Variants in POLR2D observed in about 807,000 individuals in gnomAD.
The protein encoded by POLR2D is RNA polymerase II subunit D, also known as DNA-directed RNA polymerase II subunit RPB4.
In POLR2D, 10 loss-of-function variants were observed where a neutral mutation model predicts 17.6. That is an observed-to-expected ratio of 0.57 (90% CI 0.35 to 0.96). The LOEUF (loss-of-function observed/expected upper bound fraction) is 0.96, where lower values mean the gene tolerates loss of function less well. POLR2D is among the 40% of genes least tolerant of loss of function. POLR2D has a pLI of 0.02. For synonymous variants in POLR2D, 52 were observed against 60.2 expected, an observed-to-expected ratio of 0.86 and a Z score of 0.63; for missense variants, 126 against 176.4, an observed-to-expected ratio of 0.71 and a Z score of 1.62.
intron 1 of POLR2D, among the ~76,000 whole-genome samples, chr2:127,856,623 T>A (rs1336784537): frequency 6.6e-6 from 1 of 151,724 alleles, no homozygotes; most frequent in Non-Finnish European, 1.5e-5. Flanking sequence ...AAAAATAAAT[T>A]AACAACTAAA....
At chr2:127,849,192 A>C (rs1690205958) in intron 3 of POLR2D, among the ~76,000 whole-genome samples, 1 of 151,826 alleles carries the variant, frequency 6.6e-6, no homozygotes, top group Non-Finnish European at 1.5e-5. Context: ...CTACAGTCGC[A>C]CACCACCACA....
At chr2:127,849,725 A>T (rs1173093620) in intron 3 of POLR2D, among the ~76,000 whole-genome samples, 1 of 152,036 alleles carries the variant, frequency 6.6e-6, no homozygotes, top group Non-Finnish European at 1.5e-5. Context: ...ACTGGCCAAG[A>T]GATTATCAAA....
intron 1 of POLR2D, among the ~76,000 whole-genome samples, chr2:127,855,792 C>T (rs1411454548): frequency 1.5e-5 from 2 of 136,390 alleles, no homozygotes; most frequent in African/African-American, 3.2e-5. Context: ...GGCGCGCACA[C>T]GCGCGCACAT....
At position 127,852,979 on chromosome 2, in the gene POLR2D, TA is replaced by T. The variant is rs779313235; in HGVS notation, c.199del (p.Tyr67ThrfsTer48). On this transcript the variant is annotated frameshift_variant, in exon 2 of 4. Transcript: ENST00000272645. LOFTEE classifies it high-confidence loss of function. This position sits in a 1 kb window ranked among gnomAD's most constrained non-coding sequence, Gnocchi z 4.0. ...LSEVFMKTLN[Y>X]TARFSRFKNR... ...TTTGAAACGACTGAAACGGGCTGTG[TA>T]GTTTAATGTTTTCATGAAGACTTCT... The T allele has an allele frequency of 6.2e-7, 1 of 1,614,052 alleles. No homozygotes were observed. Among genetic ancestry groups the T allele is most frequent in the Non-Finnish European group, 8.5e-7 (1 of 1,179,898 alleles).
At chr2:127,853,457 A>G (rs1273736166) in intron 1 of POLR2D, among the ~76,000 whole-genome samples, 1 of 152,118 alleles carries the variant, frequency 6.6e-6, no homozygotes, top group Non-Finnish European at 1.5e-5. Flanking sequence ...TCCCACTTAT[A>G]AGAATGTGAG....
At position 127,850,697 on chromosome 2, in the gene POLR2D, GAA is replaced by G. The variant is rs34858843; in HGVS notation, c.255-14_255-13del. 7,452 of 1,014,074 alleles carry G rather than the reference GAA, an allele frequency of 7.3e-3. 10 individuals carry two copies. The highest frequency in any genetic ancestry group is 0.021 in the East Asian group (782 of 36,626). 62.8% of individuals were successfully genotyped at this position (1,014,074 alleles called of 1,614,324 possible). A position where few individuals can be genotyped will look rare whatever the true frequency, so the allele number is the denominator to read the frequency against. ...TCTGGAGTAGCAAGCTAATCAAAAGGAAAAAAAAAAAATCAAAATAATCAAAA... is the reference window on the plus strand; with the variant it reads ...TCTGGAGTAGCAAGCTAATCAAAAGGAAAAAAAAAATCAAAATAATCAAAA... On this transcript the variant is annotated splice_polypyrimidine_tract_variant and intron_variant, in intron 2 of 3. Coordinates refer to ENST00000272645, the MANE Select transcript of POLR2D (RefSeq NM_004805.4).
chr2:127,844,745 C>G lies in POLR2D; in HGVS notation c.*3362G>C, dbSNP rs1690123487. ...CTTGGCTCACTGCAACCTCCACCTC[C>G]CGGGTTCAAGCAATTCTCCTGTCTC... On this transcript the variant is annotated 3_prime_UTR_variant, in exon 4 of 4. Transcript: ENST00000272645. 6.6e-6 allele frequency: 1 copy of G among 152,126 alleles called. No homozygotes were observed. Among genetic ancestry groups the G allele is most frequent in the African/African-American group, 2.4e-5 (1 of 41,398 alleles). The allele number at this position is 152,126 out of a possible 1,614,324, so 9.4% of individuals were successfully genotyped here. A position where few individuals can be genotyped will look rare whatever the true frequency, so the allele number is the denominator to read the frequency against.
chr2:127,848,265 T>C (rs1690187267), intron 3 of POLR2D, 80 bp from the exon 4 acceptor site: 2 of 792,200 alleles, frequency 2.5e-6, no homozygotes, highest in Non-Finnish European at 4.3e-6. Context: ...GCTAATCTAC[T>C]GCCCACATCT....
At position 127,847,797 on chromosome 2, in the gene POLR2D, T is replaced by A; in HGVS notation, c.*310A>T. On this transcript the variant is annotated 3_prime_UTR_variant, in exon 4 of 4. Coordinates refer to ENST00000272645, the MANE Select transcript of POLR2D (RefSeq NM_004805.4). ...CATGAAATATTAAGAAAAAAGATGA[T>A]GTGGAGGCCAAAAACCAGGAATGAG... is the stretch of plus-strand genomic sequence containing the variant. 1 of 348,920 alleles carries A rather than the reference T, an allele frequency of 2.9e-6. No individual in the cohort carries two copies. Among genetic ancestry groups the A allele is most frequent in the South Asian group, 3.4e-5 (1 of 29,466 alleles). 21.6% of individuals were successfully genotyped at this position (348,920 alleles called of 1,614,324 possible). A position where few individuals can be genotyped will look rare whatever the true frequency, so the allele number is the denominator to read the frequency against.
At chr2:127,857,933 CGCT>C in intron 1 of POLR2D, 92 bp downstream of exon 1, 2 of 1,486,350 alleles carry the variant, frequency 1.3e-6, no homozygotes, top group Non-Finnish European at 1.8e-6. Context: ...CCCAAGCCGC[CGCT>C]GAGGCAGGGC....
chr2:127,850,559 A>ATACAG (rs1690236488), intron 3 of POLR2D, 31 bp downstream of exon 3: 1 of 922,288 alleles, frequency 1.1e-6, no homozygotes, highest in African/African-American at 1.7e-5. Flanking sequence ...TTTATCCAGT[A>ATACAG]TACAGAGAAC....
In POLR2D at chr2:127,847,558, T is replaced by C. The variant is rs1198475435; in HGVS notation, c.*549A>G. 1 of 153,590 alleles carries C rather than the reference T, an allele frequency of 6.5e-6. No individual in the cohort carries two copies. The highest frequency in any genetic ancestry group is 1.9e-4 in the East Asian group (1 of 5,180). The allele number at this position is 153,590 out of a possible 1,614,324, so 9.5% of individuals were successfully genotyped here. A position where few individuals can be genotyped will look rare whatever the true frequency, so the allele number is the denominator to read the frequency against. ...TATTTGGGAGGCTGAGGCAGCGGGG[T>C]CAAGACTTCAGTGAGCCATGACTGT... On this transcript the variant is annotated 3_prime_UTR_variant, in exon 4 of 4. Transcript: ENST00000272645.
chr2:127,850,635 T>G lies in POLR2D; in HGVS notation c.305A>C (p.Asn102Thr), dbSNP rs1173877336. The change falls in exon 3 of 4, where the codon AAC becomes ACC. Residue 102 changes from asparagine to threonine, a missense_variant. Physicochemically the swap from Asn to Thr is moderately conservative, Grantham distance 65 (BLOSUM62 0). This residue lies in a region of POLR2D where 85 missense variants were observed against 151.4 expected (regional missense o/e 0.56). Coordinates refer to ENST00000272645, the MANE Select transcript of POLR2D (RefSeq NM_004805.4). The part of the protein sequence containing the change: ...LHKFELACLA[N>T]LCPETAEESK... ...CTCCTCAGCAGTCTCTGGGCAAAGGTTGGCCAAACAGGCCAACTCAAACTT... is the reference window on the plus strand; with the variant it reads ...CTCCTCAGCAGTCTCTGGGCAAAGGGTGGCCAAACAGGCCAACTCAAACTT... 1.9e-6 allele frequency: 3 copies of G among 1,585,142 alleles called. No individual in the cohort carries two copies. Among genetic ancestry groups the G allele is most frequent in the Admixed American group, 1.8e-5 (1 of 54,508 alleles).
At chr2:127,848,396 T>A (rs1358141683) in intron 3 of POLR2D, among the ~76,000 whole-genome samples, 1 of 152,110 alleles carries the variant, frequency 6.6e-6, no homozygotes, top group Non-Finnish European at 1.5e-5. Context: ...TTAGCCCCAC[T>A]TGACTTAGAG....
At chr2:127,855,394 C>CAAAAAAAA (rs747725989) in intron 1 of POLR2D, among the ~76,000 whole-genome samples, 2 of 51,256 alleles carry the variant, frequency 3.9e-5, no homozygotes, top group Non-Finnish European at 8.3e-5. Context: ...AACTCCGTCT[C>CAAAAAAAA]AAAAAAAAAA....
At chr2:127,856,309 A>AG (rs1690328465) in intron 1 of POLR2D, among the ~76,000 whole-genome samples, 1 of 147,060 alleles carries the variant, frequency 6.8e-6, no homozygotes, top group African/African-American at 2.5e-5. Flanking sequence ...AAAAAAAAAA[A>AG]GGCAGGGTGA....
rs202216588 is a variant in POLR2D at position 127,853,122 on chromosome 2, T to C, written c.74-17A>G. ...TTTCAAACTCTATTTGTAAGAAGCA[T>C]AAATGGCAGCTGAAAATACTCCTTC... On this transcript the variant is annotated splice_polypyrimidine_tract_variant and intron_variant, in intron 1 of 3. Coordinates refer to ENST00000272645, the MANE Select transcript of POLR2D (RefSeq NM_004805.4). 2 of 1,594,558 alleles carry C rather than the reference T, an allele frequency of 1.3e-6. No individual in the cohort carries two copies. The highest frequency in any genetic ancestry group is 1.7e-6 in the Non-Finnish European group (2 of 1,168,950).
intron 1 of POLR2D, among the ~76,000 whole-genome samples, chr2:127,855,663 G>T (rs1186599211): frequency 6.6e-6 from 1 of 152,168 alleles, no homozygotes; most frequent in Admixed American, 6.5e-5. Context: ...GCATTCCCAG[G>T]ATTCAGCATC....
chr2:127,855,802 T>TACACAC (rs3836128), intron 1 of POLR2D, among the ~76,000 whole-genome samples: 1 of 151,192 alleles, frequency 6.6e-6, no homozygotes, highest in East Asian at 1.9e-4. Flanking sequence ...CGCGCGCACA[T>TACACAC]ACACACACAC....
Sources: allele counts gnomAD v4.1 joint callset (sites outside exome capture counted in the v4.1 genomes callset), GRCh38; gene constraint gnomAD v4.1.1; regional missense constraint gnomAD v4.1.1; non-coding constraint Gnocchi (gnomAD v3.1); transcripts MANE v1.5; gene names NCBI Gene and HGNC (gene_info 2026-07-23, HGNC 2026-07-21).